The following ZNF385D variants were observed in gnomAD, a reference collection of about 807,000 sequenced individuals.
ZNF385D encodes zinc finger protein 385D.
A neutral mutation model predicts 35.8 loss-of-function variants in ZNF385D; 15 were observed. The ratio of observed to expected loss-of-function variants is 0.42; its 90% confidence interval spans 0.28 to 0.64. The LOEUF is 0.64. Ranked by LOEUF, ZNF385D falls within the 30% of genes least tolerant of loss-of-function variation. ZNF385D has a pLI of 0.23. For missense variants in ZNF385D, 474 were observed against 494.6 expected (o/e 0.96, Z 0.39); for synonymous variants, 212 against 186.8 (o/e 1.13, Z -1.10).
intron 3 of ZNF385D, among the ~76,000 whole-genome samples, chr3:21,937,028 AAAG>A (rs1327302314): frequency 6.6e-6 from 1 of 152,184 alleles, no homozygotes; most frequent in African/African-American, 2.4e-5. Flanking sequence ...ATAAGCAGAG[AAAG>A]AAGCACTATT....
At chr3:21,914,253 G>T (rs560082494) in intron 3 of ZNF385D, among the ~76,000 whole-genome samples, 3 of 152,122 alleles carry the variant, frequency 2.0e-5, no homozygotes, top group African/African-American at 7.2e-5. Context: ...TTTCTTGAAG[G>T]GGGTGAGTTA....
chr3:22,129,636 G>C (rs1037836426), intron 3 of ZNF385D, among the ~76,000 whole-genome samples: 1 of 152,046 alleles, frequency 6.6e-6, no homozygotes, highest in Non-Finnish European at 1.5e-5. Context: ...CTGTAGCCTG[G>C]ATATCACTGG....
intron 3 of ZNF385D, among the ~76,000 whole-genome samples, chr3:21,810,866 T>A (rs979605746): frequency 2.0e-5 from 3 of 151,760 alleles, no homozygotes; most frequent in Non-Finnish European, 4.4e-5. Context: ...ATAAAATAAG[T>A]TGTAAAGATA....
chr3:21,962,536 T>A (rs1215039117), intron 3 of ZNF385D, among the ~76,000 whole-genome samples: 1 of 152,224 alleles, frequency 6.6e-6, no homozygotes, highest in Non-Finnish European at 1.5e-5. Flanking sequence ...TTAAAAGCTT[T>A]GTAGAGAGAA....
intron 1 of ZNF385D, among the ~76,000 whole-genome samples, chr3:21,732,059 TTTTTTTTTTTG>T (rs2069038715): frequency 5.9e-5 from 5 of 84,054 alleles, no homozygotes; most frequent in Non-Finnish European, 9.5e-5. Flanking sequence ...TTTTTTTTTT[TTTTTTTTTTTG>T]AGAACGGAGT....
intron 3 of ZNF385D, among the ~76,000 whole-genome samples, chr3:21,523,536 G>A (rs1036518990): frequency 8.5e-5 from 13 of 152,104 alleles, no homozygotes; most frequent in African/African-American, 3.1e-4. Flanking sequence ...TCTTCTGAGG[G>A]TCTTCTTCAA....
intron 2 of ZNF385D, among the ~76,000 whole-genome samples, chr3:22,280,195 T>C (rs568283020): frequency 4.8e-4 from 73 of 152,190 alleles, no homozygotes; most frequent in African/African-American, 1.6e-3. Context: ...GATGTATAGA[T>C]TGTGAAGATT....
At chr3:22,004,600 T>A (rs148210538) in intron 3 of ZNF385D, among the ~76,000 whole-genome samples, 36 of 152,258 alleles carry the variant, frequency 2.4e-4, no homozygotes, top group African/African-American at 8.7e-4. Flanking sequence ...TCCCATTCTA[T>A]TCCTAGAAAT....
intron 3 of ZNF385D, among the ~76,000 whole-genome samples, chr3:21,768,435 C>G (rs1344331272): frequency 1.3e-5 from 2 of 151,890 alleles, no homozygotes; most frequent in Non-Finnish European, 2.9e-5. Context: ...CTAGCAGAAT[C>G]TGTTTGATAT....
intron 4 of ZNF385D, among the ~76,000 whole-genome samples, chr3:21,446,166 GCT>G: frequency 6.6e-6 from 1 of 152,290 alleles, no homozygotes; most frequent in African/African-American, 2.4e-5. Context: ...TGCTGTTGCT[GCT>G]GATCTGAGAA....
intron 2 of ZNF385D, among the ~76,000 whole-genome samples, chr3:21,572,641 A>G (rs2063368637): frequency 6.6e-6 from 1 of 152,134 alleles, no homozygotes; most frequent in Non-Finnish European, 1.5e-5. Context: ...TTCAGGTAAA[A>G]CTTAGATTAA....
At chr3:21,980,338 C>G (rs1030722249) in intron 3 of ZNF385D, among the ~76,000 whole-genome samples, 5 of 152,114 alleles carry the variant, frequency 3.3e-5, no homozygotes, top group Admixed American at 1.3e-4. Flanking sequence ...ATTCCTGACT[C>G]ATGGAAACTG....
chr3:21,866,615 A>T (rs963319891), intron 3 of ZNF385D, among the ~76,000 whole-genome samples: 1 of 152,186 alleles, frequency 6.6e-6, no homozygotes, highest in Non-Finnish European at 1.5e-5. Context: ...AACCCAAGAC[A>T]TCTGCATTTT....
At chr3:21,579,636 T>C (rs574744802) in intron 2 of ZNF385D, 85 of 152,300 alleles carry the variant, frequency 5.6e-4, no homozygotes, top group African/African-American at 2.0e-3. Context: ...AGGACAGTTA[T>C]AACAAAATAC....
intron 2 of ZNF385D, among the ~76,000 whole-genome samples, chr3:22,203,218 C>A (rs370230148): frequency 6.6e-6 from 1 of 152,062 alleles, no homozygotes; most frequent in Non-Finnish European, 1.5e-5. Context: ...CAGGATAGGG[C>A]AATGGGCAGA....
chr3:21,743,108 G>C (rs1348981582), intron 1 of ZNF385D, among the ~76,000 whole-genome samples: 2 of 152,092 alleles, frequency 1.3e-5, no homozygotes, highest in Non-Finnish European at 2.9e-5. Context: ...ACTTTCCCAA[G>C]GACACAGCAC....
chr3:22,081,918 C>G (rs992555813), intron 3 of ZNF385D, among the ~76,000 whole-genome samples: 13 of 151,530 alleles, frequency 8.6e-5, no homozygotes, highest in African/African-American at 2.7e-4. Context: ...ATCTTATCAC[C>G]TCTTAAAGCT....
At chr3:22,009,418 TC>T (rs1404831667) in intron 3 of ZNF385D, among the ~76,000 whole-genome samples, 1 of 151,970 alleles carries the variant, frequency 6.6e-6, no homozygotes, top group Non-Finnish European at 1.5e-5. Context: ...GGCGAGGAGA[TC>T]GAGACCATCC....
chr3:21,786,538 G>A (rs151175898), intron 3 of ZNF385D, among the ~76,000 whole-genome samples: 66 of 152,212 alleles, frequency 4.3e-4, no homozygotes, highest in African/African-American at 1.6e-3. Context: ...CTGAAACCAC[G>A]TAGCTTTTCT....
Sources: allele counts gnomAD v4.1 joint callset (sites outside exome capture counted in the v4.1 genomes callset), GRCh38; gene constraint gnomAD v4.1.1; transcripts MANE v1.5; gene names NCBI Gene and HGNC (gene_info 2026-07-23, HGNC 2026-07-21).